CADPS2: variants seen among roughly 807,000 people sequenced by gnomAD.
CADPS2 encodes the protein calcium-dependent secretion activator 2.
CADPS2 carries 93 observed loss-of-function variants against 172.5 expected under a neutral mutation model. The ratio of observed to expected loss-of-function variants is 0.54; its 90% confidence interval spans 0.46 to 0.64. CADPS2 has a LOEUF of 0.64. CADPS2 is among the 30% of genes least tolerant of loss of function. The probability of loss-of-function intolerance (pLI) is 0.00; values close to 1 mark genes in which losing one functional copy is unlikely to be tolerated. For synonymous variants in CADPS2, 546 were observed against 555.2 expected (o/e 0.98, Z 0.23); for missense variants, 1,420 against 1,565.9 (o/e 0.91, Z 1.57).
At chr7:122,335,703 T>C (rs1044344951) in intron 28 of CADPS2, among the ~76,000 whole-genome samples, 1 of 152,010 alleles carries the variant, frequency 6.6e-6, no homozygotes, top group African/African-American at 2.4e-5. Flanking sequence ...ACCCTAAGCA[T>C]GACAGAGAAC....
intron 14 of CADPS2, 32 bp from the exon 15 acceptor site, chr7:122,451,507 T>C (rs2053104051): frequency 7.8e-7 from 1 of 1,275,710 alleles, no homozygotes; most frequent in Non-Finnish European, 1.1e-6. Flanking sequence ...ATAATTCATA[T>C]TGATCGAACA....
At chr7:122,746,474 C>T (rs1427344812) in intron 1 of CADPS2, among the ~76,000 whole-genome samples, 1 of 152,128 alleles carries the variant, frequency 6.6e-6, no homozygotes. Context: ...GGGAGCCTAA[C>T]CTAGGTTTCC....
chr7:122,885,068 T>A (rs1328182411), intron 1 of CADPS2, among the ~76,000 whole-genome samples: 2 of 152,218 alleles, frequency 1.3e-5, no homozygotes, highest in Admixed American at 1.3e-4. Context: ...TGTTACCGAT[T>A]TCTACAGAAC....
intron 2 of CADPS2, among the ~76,000 whole-genome samples, chr7:122,722,478 C>A (rs2090546994): frequency 1.3e-5 from 2 of 151,584 alleles, no homozygotes; most frequent in Admixed American, 6.6e-5. Flanking sequence ...AGGAATCCAA[C>A]TTACAAGGGA....
chr7:122,414,141 T>C, intron 18 of CADPS2, 65 bp from the exon 19 acceptor site: 3 of 1,297,176 alleles, frequency 2.3e-6, no homozygotes, highest in Non-Finnish European at 3.1e-6. Flanking sequence ...TTACAAAACA[T>C]CTTTAAAAAA....
At chr7:122,633,422 A>C (rs2076765942) in intron 3 of CADPS2, among the ~76,000 whole-genome samples, 1 of 151,906 alleles carries the variant, frequency 6.6e-6, no homozygotes, top group South Asian at 2.1e-4. Context: ...CATTGGTTAG[A>C]TGTATTCCTG....
At chr7:122,501,963 A>G (rs1462731933) in intron 9 of CADPS2, among the ~76,000 whole-genome samples, 1 of 151,872 alleles carries the variant, frequency 6.6e-6, no homozygotes, top group Non-Finnish European at 1.5e-5. Flanking sequence ...ATTCTTTCCA[A>G]TATATCATAT....
chr7:122,825,288 G>A (rs1804554476), intron 1 of CADPS2, among the ~76,000 whole-genome samples: 1 of 152,092 alleles, frequency 6.6e-6, no homozygotes, highest in African/African-American at 2.4e-5. Context: ...CCAAGCATGA[G>A]GATATCATGC....
At chr7:122,456,777 C>A (rs2053836786) in intron 14 of CADPS2, among the ~76,000 whole-genome samples, 1 of 152,194 alleles carries the variant, frequency 6.6e-6, no homozygotes, top group Non-Finnish European at 1.5e-5. Flanking sequence ...CACACGTGTG[C>A]ACACAAACAC....
intron 3 of CADPS2, among the ~76,000 whole-genome samples, chr7:122,658,216 C>G (rs1042536394): frequency 2.6e-5 from 4 of 152,066 alleles, no homozygotes; most frequent in African/African-American, 9.7e-5. Flanking sequence ...GTTAGAATGG[C>G]AATCATTAAA....
intron 7 of CADPS2, among the ~76,000 whole-genome samples, chr7:122,572,479 T>G (rs1225118850): frequency 6.6e-6 from 1 of 152,178 alleles, no homozygotes; most frequent in African/African-American, 2.4e-5. Flanking sequence ...TCCTTCTGTT[T>G]GTAGAAATGT....
intron 1 of CADPS2, among the ~76,000 whole-genome samples, chr7:122,784,294 T>C (rs1255694396): frequency 6.6e-6 from 1 of 152,236 alleles, no homozygotes; most frequent in African/African-American, 2.4e-5. Context: ...GGGTACTGTT[T>C]ACTTTTAGAT....
rs1238364837 is a variant in CADPS2 at position 122,820,645 on chromosome 7, C to T, written c.339+65354G>A. Among the ~76,000 whole-genome samples the T allele has an allele frequency of 7.0e-5, 9 of 128,518 alleles. 1 individual carries two copies. In the East Asian group the frequency reaches 1.1e-3, roughly 15 times the overall value. The allele number at this position is 128,518 out of a possible 152,430, so 84.3% of individuals were successfully genotyped here. On this transcript the variant is annotated intron_variant, in intron 1 of 29. Transcript: ENST00000449022. ...CGCGATCTCGGCTCACTGCAAGCTCCGCCTCCCGGGTTCACGCCATTCTCC... is the reference window on the plus strand; with the variant it reads ...CGCGATCTCGGCTCACTGCAAGCTCTGCCTCCCGGGTTCACGCCATTCTCC...
chr7:122,399,660 C>CTT lies in CADPS2; in HGVS notation c.2747-6080_2747-6079dup, dbSNP rs1008163151. On this transcript the variant is annotated intron_variant, in intron 20 of 29. Coordinates refer to ENST00000449022, the MANE Select transcript of CADPS2 (RefSeq NM_017954.11). The stretch of plus-strand genomic sequence containing the variant: ...CGATAACTCTCTCAAGGGTGGGTTT[C>CTT]TTTTTTTTTTTTTTTTTTTTTTTTT... Among the ~76,000 whole-genome samples, 95 of 51,224 alleles carry CTT rather than the reference C, an allele frequency of 1.9e-3. 25 individuals are homozygous for CTT. Among genetic ancestry groups the CTT allele is most frequent in the Non-Finnish European group, 2.4e-3 (66 of 27,066 alleles). 33.6% of individuals were successfully genotyped at this position (51,224 alleles called of 152,430 possible).
intron 1 of CADPS2, among the ~76,000 whole-genome samples, chr7:122,813,310 C>T (rs1351621332): frequency 6.6e-6 from 1 of 152,040 alleles, no homozygotes; most frequent in African/African-American, 2.4e-5. Context: ...AAGGAACAAA[C>T]ACTTTAATTT....
intron 8 of CADPS2, among the ~76,000 whole-genome samples, chr7:122,537,584 A>T (rs2062441668): frequency 6.6e-6 from 1 of 151,862 alleles, no homozygotes; most frequent in Non-Finnish European, 1.5e-5. Flanking sequence ...AAAATTTCAT[A>T]TTAAAAACTC....
Position 122,663,558 on chromosome 7 carries a change from CTT to C in CADPS2, c.463_464del (p.Lys155GlufsTer2). 1 of 1,572,672 alleles carries C rather than the reference CTT, an allele frequency of 6.4e-7. No individual in the cohort carries two copies. Among genetic ancestry groups the C allele is most frequent in the Non-Finnish European group, 8.6e-7 (1 of 1,157,434 alleles). On this transcript the variant is annotated frameshift_variant, in exon 3 of 30. Coordinates refer to ENST00000449022, the MANE Select transcript of CADPS2 (RefSeq NM_017954.11). LOFTEE classifies it high-confidence loss of function. The part of the protein sequence containing the change: ...AVRSYYEVFL[K>X]SDRVARMVQS... ...GTACCATTCTGGCCACTCGGTCACTCTTTAGAAAAACCTGAAAACAAAACAAA... is the reference window on the plus strand; with the variant it reads ...GTACCATTCTGGCCACTCGGTCACTCTAGAAAAACCTGAAAACAAAACAAA...
intron 2 of CADPS2, among the ~76,000 whole-genome samples, chr7:122,714,854 C>G (rs760726917): frequency 6.6e-5 from 10 of 152,126 alleles, no homozygotes; most frequent in Non-Finnish European, 1.2e-4. Flanking sequence ...TCTGTCTTAT[C>G]TCATTTAAAA....
intron 27 of CADPS2, 33 bp from the exon 28 acceptor site, chr7:122,345,714 A>C: frequency 1.6e-6 from 2 of 1,276,624 alleles, no homozygotes; most frequent in Admixed American, 1.8e-5. Context: ...GGAACAAAAT[A>C]ATATCAGGTC....
Sources: allele counts gnomAD v4.1 joint callset (sites outside exome capture counted in the v4.1 genomes callset), GRCh38; gene constraint gnomAD v4.1.1; transcripts MANE v1.5; gene names NCBI Gene and HGNC (gene_info 2026-07-23, HGNC 2026-07-21).